Variants in PCDHGA2 observed in about 807,000 individuals in gnomAD.
The protein encoded by PCDHGA2 is protocadherin gamma-A2.
Under a neutral mutation model 59.2 loss-of-function variants are expected in PCDHGA2, and 40 were observed. The ratio of observed to expected loss-of-function variants is 0.68; its 90% CI spans 0.52 to 0.88. The LOEUF (loss-of-function observed/expected upper bound fraction) is 0.88. PCDHGA2 is among the 40% of genes least tolerant of loss of function. The pLI is 0.00. For missense variants in PCDHGA2, 1,226 were observed against 1,204.0 expected (o/e 1.02, Z -0.27); for synonymous variants, 560 against 526.0 (o/e 1.06, Z -0.89).
At chr5:141,446,942 G>C (rs1252429052) in intron 1 of PCDHGA2, among the ~76,000 whole-genome samples, 1 of 152,058 alleles carries the variant, frequency 6.6e-6, no homozygotes, top group Non-Finnish European at 1.5e-5. Flanking sequence ...TTCACTGTAA[G>C]AAACATCCAG....
At chr5:141,357,549 G>A in intron 1 of PCDHGA2, 2 of 1,614,218 alleles carry the variant, frequency 1.2e-6, no homozygotes, top group Non-Finnish European at 1.7e-6. Context: ...TCAGCCGGGA[G>A]AGTTGTGAGA....
At chr5:141,403,104 A>T in intron 1 of PCDHGA2, 1 of 1,614,038 alleles carries the variant, frequency 6.2e-7, no homozygotes. Flanking sequence ...ATCTCCAAGG[A>T]CCTGGCTCTG....
chr5:141,375,593 T>C (rs922478028), intron 1 of PCDHGA2: 1 of 1,614,024 alleles, frequency 6.2e-7, no homozygotes, highest in African/African-American at 1.3e-5. Flanking sequence ...CCTGTCCTCC[T>C]ACGTGTCCAT....
intron 1 of PCDHGA2, among the ~76,000 whole-genome samples, chr5:141,438,637 C>G (rs11958903): frequency 3.2e-5 from 1 of 30,940 alleles, no homozygotes. Context: ...TATATATATA[C>G]ACACACACAC....
At chr5:141,459,930 T>C (rs1385764489) in intron 1 of PCDHGA2, among the ~76,000 whole-genome samples, 1 of 152,176 alleles carries the variant, frequency 6.6e-6, no homozygotes, top group East Asian at 1.9e-4. Context: ...TATATCCTTG[T>C]AGCTGGGCGT....
Position 141,339,575 on chromosome 5 carries a change from C to A in PCDHGA2, c.604C>A (p.Arg202Ser), listed in dbSNP as rs377473177. 60 of 1,614,028 alleles carry A rather than the reference C, an allele frequency of 3.7e-5. No individual in the cohort carries two copies. Among genetic ancestry groups the A allele is most frequent in the South Asian group, 2.2e-4 (20 of 91,080 alleles). Reference sequence around the variant, plus strand: ...ACTGGTGCTGGAGCGCTCTCTGGACCGCGAGGAAGAGGCTGTTCACCACCT... The same window carrying A: ...ACTGGTGCTGGAGCGCTCTCTGGACAGCGAGGAAGAGGCTGTTCACCACCT... Reference protein sequence around the residue: ...PELVLERSLDREEEAVHHLVL... With the variant: ...PELVLERSLDSEEEAVHHLVL... Residue 202 changes from arginine (R) to serine (S), a missense_variant, in exon 1 of 4, where the codon CGC (arginine) becomes AGC (serine). Transcript: ENST00000394576.
Position 141,487,401 on chromosome 5 carries a change from T to C in PCDHGA2, c.2425-7406T>C, listed in dbSNP as rs2099644244. The C allele has an allele frequency of 6.2e-7, 1 of 1,614,134 alleles. No individual in the cohort carries two copies. The highest frequency in any genetic ancestry group is 1.3e-5 in the African/African-American group (1 of 75,046). On this transcript the variant is annotated intron_variant, in intron 1 of 3. Transcript: ENST00000394576. This position sits in a 1 kb window ranked among gnomAD's most constrained non-coding sequence, Gnocchi z 5.0. ...ACCAGATCTCGAAGGAGGGAGGGGCTTCCCCCTTCCAATGGGATCCTCCGA... is the reference window on the plus strand; with the variant it reads ...ACCAGATCTCGAAGGAGGGAGGGGCCTCCCCCTTCCAATGGGATCCTCCGA...
chr5:141,359,856 A>C (rs1055838573), intron 1 of PCDHGA2, among the ~76,000 whole-genome samples: 7 of 152,188 alleles, frequency 4.6e-5, no homozygotes, highest in Admixed American at 2.0e-4. Context: ...TTTATAAATT[A>C]AAAAAGAAAA....
At chr5:141,376,171 G>T (rs758847977) in intron 1 of PCDHGA2, 1 of 1,614,096 alleles carries the variant, frequency 6.2e-7, no homozygotes, top group South Asian at 1.1e-5. Context: ...TGGTGGTGGC[G>T]GTGGCCGCGG....
At chr5:141,422,302 G>A (rs749870505) in intron 1 of PCDHGA2, 2 of 1,549,012 alleles carry the variant, frequency 1.3e-6, no homozygotes, top group Admixed American at 4.3e-5. Flanking sequence ...TTCAATTCTG[G>A]AAAACTCTCC....
At chr5:141,408,590 G>A (rs776799830) in intron 1 of PCDHGA2, 4 of 1,613,956 alleles carry the variant, frequency 2.5e-6, no homozygotes, top group East Asian at 2.2e-5. Context: ...TAATGACCAC[G>A]CCCCTCAATT....
intron 1 of PCDHGA2, chr5:141,366,074 G>T (rs1167288837): frequency 2.5e-6 from 4 of 1,614,100 alleles, no homozygotes; most frequent in African/African-American, 1.3e-5. Flanking sequence ...GCCTCGCTCC[G>T]CAGAACCTGG....
chr5:141,502,470 G>A (rs1017558920), intron 2 of PCDHGA2, among the ~76,000 whole-genome samples: 5 of 150,916 alleles, frequency 3.3e-5, no homozygotes, highest in Admixed American at 2.6e-4. Flanking sequence ...AATACTTCCC[G>A]CAGCATCACA....
chr5:141,405,459 A>T, intron 1 of PCDHGA2: 2 of 1,229,452 alleles, frequency 1.6e-6, no homozygotes, highest in Non-Finnish European at 2.3e-6. Flanking sequence ...TTACTCTGTT[A>T]CCCAGGCTGG....
rs769553840 is a variant in PCDHGA2 at position 141,352,577 on chromosome 5, C to T, written c.2424+11182C>T. The T allele has an allele frequency of 6.2e-6, 10 of 1,613,958 alleles. No individual in the cohort carries two copies. In the East Asian group the frequency reaches 1.6e-4, roughly 25 times the overall value. ...CAACCTGACACCGGAAATGGCTCCC[C>T]CTCAGGATCTGCTGTGTGATGATCC... On this transcript the variant is annotated intron_variant, in intron 1 of 3. Transcript: ENST00000394576.
rs760432512 is a variant in PCDHGA2, at chr5:141,346,043, C to T, written c.2424+4648C>T. The T allele has an allele frequency of 3.7e-6, 6 of 1,613,604 alleles. No homozygotes were observed. In the East Asian group the frequency reaches 6.7e-5, roughly 18 times the overall value. On this transcript the variant is annotated intron_variant, in intron 1 of 3. Coordinates refer to ENST00000394576, the MANE Select transcript of PCDHGA2 (RefSeq NM_018915.4). Reference sequence around the variant, plus strand: ...TGGCCGTGGCCGACAGGATCCCCGACATCCTGGCCGACCTGGGCAGCCTCG... The same window carrying T: ...TGGCCGTGGCCGACAGGATCCCCGATATCCTGGCCGACCTGGGCAGCCTCG...
intron 1 of PCDHGA2, chr5:141,344,297 G>A: frequency 6.2e-7 from 1 of 1,614,124 alleles, no homozygotes. Context: ...TCACCGCGGA[G>A]AGGATAGACC....
chr5:141,509,081 A>T (rs1279221589), intron 3 of PCDHGA2, among the ~76,000 whole-genome samples: 1 of 152,160 alleles, frequency 6.6e-6, no homozygotes, highest in Non-Finnish European at 1.5e-5. Context: ...GATTTGCGAC[A>T]TGAAATGGGG....
chr5:141,423,253 C>G (rs750278899), intron 1 of PCDHGA2: 1 of 1,613,916 alleles, frequency 6.2e-7, no homozygotes, highest in Admixed American at 1.7e-5. Flanking sequence ...CCTGGCGGAC[C>G]TCGGCAGCCT....
Sources: allele counts gnomAD v4.1 joint callset (sites outside exome capture counted in the v4.1 genomes callset), GRCh38; gene constraint gnomAD v4.1.1; non-coding constraint Gnocchi (gnomAD v3.1); transcripts MANE v1.5; gene names NCBI Gene and HGNC (gene_info 2026-07-23, HGNC 2026-07-21).